The following BRAP variants were observed in gnomAD, a reference collection of about 807,000 sequenced individuals.
BRAP encodes BRCA1 associated protein.
A neutral mutation model predicts 73.4 loss-of-function variants in BRAP; 42 were observed. That is an observed-to-expected ratio of 0.57 (90% CI 0.45 to 0.74). BRAP has a LOEUF of 0.74. Ranked by LOEUF, BRAP falls within the 30% of genes least tolerant of loss-of-function variation. BRAP has a pLI of 0.00. For missense variants in BRAP, 593 were observed against 751.4 expected, an observed-to-expected ratio of 0.79 and a Z score of 2.46; for synonymous variants, 255 against 267.4, an observed-to-expected ratio of 0.95 and a Z score of 0.45.
At chr12:111,679,821 G>A (rs1566129977) in intron 3 of BRAP, among the ~76,000 whole-genome samples, 2 of 141,860 alleles carry the variant, frequency 1.4e-5, no homozygotes, top group Admixed American at 7.6e-5. Context: ...AGCTTGCAGT[G>A]AGCCAATATC....
At chr12:111,672,865 C>T in intron 4 of BRAP, 91 bp from the exon 5 acceptor site, 1 of 1,002,922 alleles carries the variant, frequency 1.0e-6, no homozygotes, top group Admixed American at 2.4e-5. Flanking sequence ...TATTCATTCT[C>T]ATCAGCTTTT....
intron 5 of BRAP, among the ~76,000 whole-genome samples, chr12:111,671,292 A>G (rs111736223): frequency 0.016 from 2,382 of 151,548 alleles, 74 homozygotes; most frequent in African/African-American, 0.054. Context: ...GCTCATGCTT[A>G]TAATCCCAGC....
Position 111,658,850 on chromosome 12 carries a change from A to G in BRAP, c.1112-5T>C, listed in dbSNP as rs1216460185. ...CCAGTCGATGAACATAGTTATCTACAGAAAGAGTCAACAAAAGTGTGTTTC... is the reference window on the plus strand; with the variant it reads ...CCAGTCGATGAACATAGTTATCTACGGAAAGAGTCAACAAAAGTGTGTTTC... On this transcript the variant is annotated splice_polypyrimidine_tract_variant and splice_region_variant and intron_variant, in intron 8 of 11. Transcript: ENST00000419234. The G allele has an allele frequency of 1.9e-6, 3 of 1,589,734 alleles. No individual in the cohort carries two copies. Among genetic ancestry groups the G allele is most frequent in the Non-Finnish European group, 8.6e-7 (1 of 1,160,004 alleles).
intron 3 of BRAP, 95 bp downstream of exon 3, chr12:111,681,542 A>G: frequency 1.0e-6 from 1 of 989,414 alleles, no homozygotes; most frequent in Non-Finnish European, 1.5e-6. Context: ...AGCTTAAAAT[A>G]CCCACTTTCC....
intron 4 of BRAP, among the ~76,000 whole-genome samples, chr12:111,677,361 C>T (rs1243353442): frequency 6.6e-6 from 1 of 152,180 alleles, no homozygotes; most frequent in East Asian, 1.9e-4. Flanking sequence ...AAACAACCGC[C>T]TCCCTTCCCC....
chr12:111,673,005 A>G (rs1045815928), intron 4 of BRAP: 1 of 449,632 alleles, frequency 2.2e-6, no homozygotes, highest in African/African-American at 2.0e-5. Context: ...CAGAGTTTTT[A>G]CCTGAACTGG....
Position 111,643,116 on chromosome 12 carries a change from G to C in BRAP, c.*1083C>G, listed in dbSNP as rs776175387. The stretch of plus-strand genomic sequence containing the variant: ...AGGTTATAAATTATTTGACATTTAT[G>C]GTTCCAGAGAGAGTACACAGCCCCT... On this transcript the variant is annotated 3_prime_UTR_variant, in exon 12 of 12. Transcript: ENST00000419234. 1 of 152,122 alleles carries C rather than the reference G, an allele frequency of 6.6e-6. No individual in the cohort carries two copies. The highest frequency in any genetic ancestry group is 1.5e-5 in the Non-Finnish European group (1 of 68,018). The allele number at this position is 152,122 out of a possible 1,614,324, so 9.4% of individuals were successfully genotyped here. A position where few individuals can be genotyped will look rare whatever the true frequency, so the allele number is the denominator to read the frequency against.
intron 2 of BRAP, among the ~76,000 whole-genome samples, chr12:111,682,396 G>A (rs890362769): frequency 2.6e-5 from 4 of 151,562 alleles, no homozygotes; most frequent in African/African-American, 9.7e-5. Context: ...TACTTGGGAG[G>A]CTGAGAGAGG....
At chr12:111,655,773 A>G (rs1055483607) in intron 9 of BRAP, 118 bp from the exon 10 acceptor site, 2 of 772,758 alleles carry the variant, frequency 2.6e-6, no homozygotes, top group Admixed American at 4.2e-5. Flanking sequence ...AACAGAATGT[A>G]TATTTACGCC....
intron 6 of BRAP, among the ~76,000 whole-genome samples, chr12:111,661,215 T>C (rs1365655798): frequency 6.6e-6 from 1 of 151,556 alleles, no homozygotes; most frequent in Non-Finnish European, 1.5e-5. Flanking sequence ...CTTGACTTCA[T>C]GATCCACTGG....
chr12:111,672,353 T>C lies in BRAP; in HGVS notation c.747+308A>G, dbSNP rs747777535. On this transcript the variant is annotated intron_variant, in intron 5 of 11. Coordinates refer to ENST00000419234, the MANE Select transcript of BRAP (RefSeq NM_006768.5). ...TTCTTTTTTTTTACGTTTTTTGAAA[T>C]TTTAGAAAATGAGATATTCAATAAA... Among the ~76,000 whole-genome samples the C allele has an allele frequency of 3.9e-5, 6 of 152,336 alleles. No individual in the cohort carries two copies. The East Asian group carries it at 1.2e-3, about 29-fold the overall frequency.
At position 111,661,436 on chromosome 12, in the gene BRAP, C is replaced by A. The variant is rs186386689; in HGVS notation, c.897-761G>T. 3.9e-3 allele frequency among the ~76,000 whole-genome samples: 595 copies of A among 151,704 alleles called. 4 individuals carry two copies. Among genetic ancestry groups the A allele is most frequent in the African/African-American group, 0.013 (552 of 41,340 alleles). On this transcript the variant is annotated intron_variant, in intron 6 of 11. Transcript: ENST00000419234. ...CTGGGACTACAGGCATGCGCCACCA[C>A]GCCCAGCTAATTTTGTATTTTTAGT... is the stretch of plus-strand genomic sequence containing the variant.
At chr12:111,681,261 T>C (rs546240212) in intron 3 of BRAP, among the ~76,000 whole-genome samples, 2 of 151,932 alleles carry the variant, frequency 1.3e-5, no homozygotes, top group East Asian at 1.9e-4. Flanking sequence ...TCCCAGCTAC[T>C]TGGGAGGCTG....
At chr12:111,663,206 C>T (rs1047787027) in intron 6 of BRAP, among the ~76,000 whole-genome samples, 1 of 152,266 alleles carries the variant, frequency 6.6e-6, no homozygotes, top group Non-Finnish European at 1.5e-5. Flanking sequence ...ATAATCCCAG[C>T]ACTCTGGGAG....
chr12:111,672,703 C>G lies in BRAP; in HGVS notation c.705G>C (p.Gln235His). 1 of 1,614,124 alleles carries G rather than the reference C, an allele frequency of 6.2e-7. No homozygotes were observed. Among genetic ancestry groups the G allele is most frequent in the Non-Finnish European group, 8.5e-7 (1 of 1,180,022 alleles). Residue 235 changes from glutamine to histidine, a missense_variant, in exon 5 of 12, where the codon CAG (glutamine) becomes CAC (histidine). Gln to His is a conservative substitution (Grantham distance 24, BLOSUM62 0). This residue lies in a region of BRAP where 304 missense variants were observed against 337.7 expected (regional missense o/e 0.90). Coordinates refer to ENST00000419234, the MANE Select transcript of BRAP (RefSeq NM_006768.5). Reference sequence around the variant, plus strand: ...CTTCAGCTCTTTCCACATACACTAGCTGGCAAACGTCATCTTCTATTGAGT... The same window carrying G: ...CTTCAGCTCTTTCCACATACACTAGGTGGCAAACGTCATCTTCTATTGAGT... ...QFNSIEDDVC[Q>H]LVYVERAEVL...
At chr12:111,652,283 G>T (rs1886356182) in intron 10 of BRAP, among the ~76,000 whole-genome samples, 1 of 152,178 alleles carries the variant, frequency 6.6e-6, no homozygotes, top group South Asian at 2.1e-4. Context: ...GAGTGCAGTG[G>T]TGCAATCTCG....
intron 10 of BRAP, among the ~76,000 whole-genome samples, chr12:111,655,073 T>A (rs1388216717): frequency 1.3e-5 from 2 of 152,176 alleles, no homozygotes; most frequent in Non-Finnish European, 2.9e-5. Context: ...GAATGGCATC[T>A]TTTTTAAAGG....
At chr12:111,675,595 TG>T (rs1887349744) in intron 4 of BRAP, among the ~76,000 whole-genome samples, 1 of 151,158 alleles carries the variant, frequency 6.6e-6, no homozygotes, top group South Asian at 2.1e-4. Context: ...AACAAAAGCC[TG>T]AAGCTAACTG....
Position 111,657,247 on chromosome 12 carries a change from T to A in BRAP, c.1221+1489A>T, listed in dbSNP as rs192559591. On this transcript the variant is annotated intron_variant, in intron 9 of 11. Transcript: ENST00000419234. ...TTAGTAGAAGTGGGGTTTCACCATG[T>A]TGGCCAGGCTGGTCTCAAACTCCTG... 5.7e-3 allele frequency among the ~76,000 whole-genome samples: 865 copies of A among 152,224 alleles called. 9 individuals are homozygous for A. Among genetic ancestry groups the A allele is most frequent in the African/African-American group, 0.02 (816 of 41,528 alleles).
Sources: allele counts gnomAD v4.1 joint callset (sites outside exome capture counted in the v4.1 genomes callset), GRCh38; gene constraint gnomAD v4.1.1; regional missense constraint gnomAD v4.1.1; transcripts MANE v1.5; gene names NCBI Gene and HGNC (gene_info 2026-07-23, HGNC 2026-07-21).